ADRA1B: variants seen among roughly 807,000 people sequenced by gnomAD.
ADRA1B encodes adrenoceptor alpha 1B.
ADRA1B carries 17 observed loss-of-function variants against 17.9 expected under a neutral mutation model. The ratio of observed to expected loss-of-function variants is 0.95; its 90% CI spans 0.65 to 1.42. ADRA1B has a LOEUF of 1.42. Ranked by LOEUF, ADRA1B falls within the 40% of genes most tolerant of loss-of-function variation. The pLI, the probability that ADRA1B is intolerant of heterozygous loss-of-function variation, is 0.00. For synonymous variants in ADRA1B, 366 were observed against 327.6 expected (o/e 1.12, Z -1.27); for missense variants, 681 against 722.1 (o/e 0.94, Z 0.65).
At chr5:159,952,048 A>T (rs576657722) in intron 1 of ADRA1B, among the ~76,000 whole-genome samples, 2 of 152,270 alleles carry the variant, frequency 1.3e-5, no homozygotes, top group African/African-American at 4.8e-5. Context: ...TGGGAAAATG[A>T]GTCATCTGAA....
At chr5:159,912,544 C>G (rs947212045), upstream of ADRA1B, among the ~76,000 whole-genome samples, 5 of 152,246 alleles carry the variant, frequency 3.3e-5, no homozygotes, top group Non-Finnish European at 7.3e-5. Flanking sequence ...TGGTCACATT[C>G]TGTTCTCTGC....
intron 1 of ADRA1B, among the ~76,000 whole-genome samples, chr5:159,956,572 AT>A (rs1158049100): frequency 6.6e-6 from 1 of 152,188 alleles, no homozygotes; most frequent in African/African-American, 2.4e-5. Flanking sequence ...TGATTTCACA[AT>A]CCCCTATTGT....
the ADRA1B span, among the ~76,000 whole-genome samples, chr5:159,978,029 C>T: frequency 6.6e-6 from 1 of 152,162 alleles, no homozygotes; most frequent in Non-Finnish European, 1.5e-5. Flanking sequence ...CACTGTCCAG[C>T]ACTCCCTATT....
At chr5:159,925,284 G>A (rs527661518) in intron 1 of ADRA1B, among the ~76,000 whole-genome samples, 2 of 152,312 alleles carry the variant, frequency 1.3e-5, no homozygotes, top group Admixed American at 6.5e-5. Context: ...AGACCATAAA[G>A]AAGATAAAAA....
chr5:159,879,276 CCAG>C (rs796890557), intron 1 of ADRA1B, among the ~76,000 whole-genome samples: 3 of 152,266 alleles, frequency 2.0e-5, no homozygotes, highest in African/African-American at 7.2e-5. Context: ...TGACGATGGA[CCAG>C]CTGGAATGCA....
intron 1 of ADRA1B, among the ~76,000 whole-genome samples, chr5:159,919,794 TGCAGGCTTTG>T (rs1228083466): frequency 6.6e-6 from 1 of 152,180 alleles, no homozygotes; most frequent in Non-Finnish European, 1.5e-5. Context: ...GGATCAAAGG[TGCAGGCTTTG>T]GCTTTTAGGG....
rs531784101 is a variant in ADRA1B, at chr5:159,877,101, A to G, written c.-256+11895A>G. Among the ~76,000 whole-genome samples, 155 of 152,244 alleles carry G rather than the reference A, an allele frequency of 1.0e-3. 5 individuals carry two copies. The South Asian group carries it at 0.03, about 30-fold the overall frequency. On this transcript the variant is annotated intron_variant, in intron 1 of 2. Transcript: ENST00000641205. Reference sequence around the variant, plus strand: ...AAGCTCTTTACTAAAAGGACTGATGATGTGTTTTCTGGAATGGGAGCCTCA... The same window carrying G: ...AAGCTCTTTACTAAAAGGACTGATGGTGTGTTTTCTGGAATGGGAGCCTCA...
chr5:159,935,021 A>G (rs1158170984), intron 1 of ADRA1B, among the ~76,000 whole-genome samples: 1 of 152,212 alleles, frequency 6.6e-6, no homozygotes, highest in Non-Finnish European at 1.5e-5. Context: ...AACGTCAGCT[A>G]TTAATATACA....
At chr5:159,950,604 G>T in intron 1 of ADRA1B, 3 of 973,260 alleles carry the variant, frequency 3.1e-6, no homozygotes, top group Non-Finnish European at 5.0e-6. Flanking sequence ...GGGCAATGCC[G>T]GCCCCAGCAT....
intron 1 of ADRA1B, among the ~76,000 whole-genome samples, chr5:159,865,498 A>G (rs866767378): frequency 6.6e-6 from 1 of 152,226 alleles, no homozygotes; most frequent in Non-Finnish European, 1.5e-5. Context: ...AATTCTCGCA[A>G]TCTCTATATG....
chr5:159,968,343 C>T (rs544774456), intron 1 of ADRA1B, among the ~76,000 whole-genome samples: 4 of 152,206 alleles, frequency 2.6e-5, no homozygotes, highest in Non-Finnish European at 4.4e-5. Flanking sequence ...TGAATCTTAG[C>T]TATTAGCATT....
chr5:159,915,155 A>G (rs1412687856), upstream of ADRA1B, among the ~76,000 whole-genome samples: 1 of 152,208 alleles, frequency 6.6e-6, no homozygotes, highest in East Asian at 1.9e-4. Flanking sequence ...CAGTGGTTCC[A>G]TCCCCTACCT....
intron 1 of ADRA1B, among the ~76,000 whole-genome samples, chr5:159,866,147 A>G (rs1021148419): frequency 6.6e-6 from 1 of 151,968 alleles, no homozygotes; most frequent in Non-Finnish European, 1.5e-5. Flanking sequence ...ACAAATATAT[A>G]TATTTTTCAT....
At chr5:159,872,266 A>T (rs1450495124) in intron 1 of ADRA1B, among the ~76,000 whole-genome samples, 2 of 152,152 alleles carry the variant, frequency 1.3e-5, no homozygotes, top group Non-Finnish European at 2.9e-5. Flanking sequence ...GCTTGCAGAG[A>T]TGCAGCTGCT....
intron 1 of ADRA1B, among the ~76,000 whole-genome samples, chr5:159,880,668 T>A (rs888506996): frequency 6.6e-6 from 1 of 152,216 alleles, no homozygotes; most frequent in African/African-American, 2.4e-5. Flanking sequence ...CTCTTCTATG[T>A]TGAGGCCAAA....
upstream of ADRA1B, among the ~76,000 whole-genome samples, chr5:159,913,407 G>T (rs1754246734): frequency 1.3e-5 from 2 of 152,178 alleles, no homozygotes; most frequent in South Asian, 4.1e-4. Flanking sequence ...AGGTTGCTGT[G>T]TGGGGTCCTG....
intron 1 of ADRA1B, among the ~76,000 whole-genome samples, chr5:159,882,173 G>GC (rs1753870099): frequency 6.6e-6 from 1 of 152,154 alleles, no homozygotes; most frequent in African/African-American, 2.4e-5. Flanking sequence ...TGACTGTTTT[G>GC]TAAAATAAAT....
chr5:159,988,237 G>C, the ADRA1B span, among the ~76,000 whole-genome samples: 1 of 152,172 alleles, frequency 6.6e-6, no homozygotes, highest in Admixed American at 6.5e-5. Context: ...GTGAGCCAAA[G>C]GATGTGGGCA....
At chr5:159,930,244 TGCTGGG>T (rs1332308748) in intron 1 of ADRA1B, among the ~76,000 whole-genome samples, 1 of 152,274 alleles carries the variant, frequency 6.6e-6, no homozygotes, top group African/African-American at 2.4e-5. Flanking sequence ...AAAATGTAGT[TGCTGGG>T]GCAAGGAAGA....
Sources: allele counts gnomAD v4.1 joint callset (sites outside exome capture counted in the v4.1 genomes callset), GRCh38; gene constraint gnomAD v4.1.1; transcripts MANE v1.5; gene names NCBI Gene and HGNC (gene_info 2026-07-23, HGNC 2026-07-21).